DAB2IP: variants seen among roughly 807,000 people sequenced by gnomAD.
DAB2IP encodes the protein disabled homolog 2-interacting protein.
Under a neutral mutation model 107.2 loss-of-function variants are expected in DAB2IP, and 28 were observed. The ratio of observed to expected loss-of-function variants is 0.26; its 90% CI spans 0.19 to 0.36. The LOEUF is 0.36. Ranked by LOEUF, DAB2IP falls within the 10% of genes least tolerant of loss-of-function variation. The pLI is 1.00. For missense variants in DAB2IP, 1,400 were observed against 1,644.7 expected (o/e 0.85, Z 2.57); for synonymous variants, 755 against 706.4 (o/e 1.07, Z -1.09).
rs190511457 is a variant in DAB2IP, at chr9:121,780,141, C to T, written c.3315-1323C>T. Among the ~76,000 whole-genome samples, 18 of 152,332 alleles carry T rather than the reference C, an allele frequency of 1.2e-4. No individual in the cohort carries two copies. In the East Asian group the frequency reaches 3.1e-3, roughly 26 times the overall value. Reference sequence around the variant, plus strand: ...TCTCAAGTGATCCTCCCTCCCTGGCCTCCCAAAGTGCTGAGATTATAGGCG... The same window carrying T: ...TCTCAAGTGATCCTCCCTCCCTGGCTTCCCAAAGTGCTGAGATTATAGGCG... On this transcript the variant is annotated intron_variant, in intron 14 of 15. Coordinates refer to ENST00000408936, the Ensembl canonical transcript of DAB2IP.
rs1201629219 is a variant in DAB2IP at position 121,776,874 on chromosome 9, T to G, written c.3314+483T>G. On this transcript the variant is annotated intron_variant, in intron 14 of 15. Transcript: ENST00000408936. The surrounding 1 kb of genome is among the most constrained non-coding windows in gnomAD (Gnocchi z 5.4). Reference sequence around the variant, plus strand: ...CGTATCAGGGTACCAGTTACTGAGCTGGGAACTGTTAAGAGGAGTGGTTTG... The same window carrying G: ...CGTATCAGGGTACCAGTTACTGAGCGGGGAACTGTTAAGAGGAGTGGTTTG... Among the ~76,000 whole-genome samples, 2 of 152,038 alleles carry G rather than the reference T, an allele frequency of 1.3e-5. No individual in the cohort carries two copies. Among genetic ancestry groups the G allele is most frequent in the East Asian group, 3.9e-4 (2 of 5,168 alleles).
chr9:121,669,347 C>T (rs553401824), intron 1 of DAB2IP, among the ~76,000 whole-genome samples: 25 of 152,270 alleles, frequency 1.6e-4, no homozygotes, highest in South Asian at 1.5e-3. Flanking sequence ...AACTATAGGA[C>T]GGATCCTCCA....
At chr9:121,749,081 AG>A (rs1832917903) in intron 3 of DAB2IP, among the ~76,000 whole-genome samples, 1 of 152,164 alleles carries the variant, frequency 6.6e-6, no homozygotes, top group Non-Finnish European at 1.5e-5. Context: ...TTTTTAGGAC[AG>A]GCTCTGTCTC....
At chr9:121,745,896 A>G (rs1589628592) in intron 3 of DAB2IP, among the ~76,000 whole-genome samples, 2 of 152,206 alleles carry the variant, frequency 1.3e-5, no homozygotes, top group Admixed American at 1.3e-4. Context: ...TGGAGTGACC[A>G]CTGGGGCTGG....
At chr9:121,761,006 G>A (rs776998661) in intron 6 of DAB2IP, among the ~76,000 whole-genome samples, 22 of 152,174 alleles carry the variant, frequency 1.4e-4, no homozygotes, top group Non-Finnish European at 3.1e-4. Flanking sequence ...ACAGAAGCGG[G>A]AATCGTCTGA....
intron 1 of DAB2IP, among the ~76,000 whole-genome samples, chr9:121,638,184 A>G (rs1832155294): frequency 6.6e-6 from 1 of 152,234 alleles, no homozygotes. Flanking sequence ...GATTGAAGAT[A>G]GAAAAAAATT....
intron 3 of DAB2IP, among the ~76,000 whole-genome samples, chr9:121,725,216 C>T (rs13290547): frequency 0.04 from 6,138 of 152,234 alleles, 167 homozygotes; most frequent in Middle Eastern, 0.075. Flanking sequence ...GTTGTCGTCA[C>T]GTCTTCTTAA....
chr9:121,569,120 G>T (rs111737808), intron 1 of DAB2IP, among the ~76,000 whole-genome samples: 279 of 152,346 alleles, frequency 1.8e-3, no homozygotes, highest in Non-Finnish European at 3.0e-3. Context: ...TCCAGCCAAG[G>T]TCTCCCACCC....
At position 121,775,302 on chromosome 9, in the gene DAB2IP, C is replaced by T. The variant is rs1835120535; in HGVS notation, c.3120+890C>T. On this transcript the variant is annotated intron_variant, in intron 13 of 15. Transcript: ENST00000408936. The stretch of plus-strand genomic sequence containing the variant: ...GAATGGCAGAACTCCTTCTCCCCGG[C>T]CTCAGGCGAGGCCCGTCTCCATGCT... 2.0e-5 allele frequency among the ~76,000 whole-genome samples: 3 copies of T among 152,206 alleles called. No individual in the cohort carries two copies. The South Asian group carries it at 6.2e-4, about 31-fold the overall frequency.
At chr9:121,697,792 T>A (rs1186901320) in intron 2 of DAB2IP, among the ~76,000 whole-genome samples, 2 of 151,880 alleles carry the variant, frequency 1.3e-5, no homozygotes, top group Non-Finnish European at 2.9e-5. Context: ...GCCACAGGGG[T>A]ATGTCTCCTG....
intron 8 of DAB2IP, among the ~76,000 whole-genome samples, chr9:121,765,072 G>A (rs928191575): frequency 3.9e-5 from 6 of 152,162 alleles, no homozygotes; most frequent in Admixed American, 3.3e-4. Context: ...GCTTGCCTGG[G>A]CCAAATGGGC....
At position 121,776,788 on chromosome 9, in the gene DAB2IP, A is replaced by G. The variant is rs1002890241; in HGVS notation, c.3314+397A>G. 6.6e-6 allele frequency among the ~76,000 whole-genome samples: 1 copy of G among 152,144 alleles called. No individual in the cohort carries two copies. Among genetic ancestry groups the G allele is most frequent in the African/African-American group, 2.4e-5 (1 of 41,434 alleles). On this transcript the variant is annotated intron_variant, in intron 14 of 15. Coordinates refer to ENST00000408936, the Ensembl canonical transcript of DAB2IP. The surrounding 1 kb of genome is among the most constrained non-coding windows in gnomAD (Gnocchi z 5.4). ...GGAATGAGTCTCAGTTACGTATAGT[A>G]GATGAAGGTGGAAGACACAGCGTAG...
At chr9:121,604,332 A>G (rs1830795753) in intron 1 of DAB2IP, among the ~76,000 whole-genome samples, 1 of 152,152 alleles carries the variant, frequency 6.6e-6, no homozygotes, top group Non-Finnish European at 1.5e-5. Flanking sequence ...GAGGGGGTCC[A>G]GCTGCCTGTT....
In DAB2IP at chr9:121,669,412, A is replaced by G. The variant is rs557422672; in HGVS notation, c.125-9266A>G. On this transcript the variant is annotated intron_variant, in intron 1 of 15. Transcript: ENST00000408936. ...CCAAGAGTACACCTCTAGTTGAATA[A>G]GTTGCATTTATTACTCATTGCAGTG... 1.8e-4 allele frequency among the ~76,000 whole-genome samples: 28 copies of G among 152,200 alleles called. No homozygotes were observed. In the South Asian group the frequency reaches 5.6e-3, roughly 30 times the overall value.
Position 121,652,758 on chromosome 9 carries a change from A to T in DAB2IP, c.124+859A>T, listed in dbSNP as rs539587287. Among the ~76,000 whole-genome samples, 42 of 152,182 alleles carry T rather than the reference A, an allele frequency of 2.8e-4. 1 individual carries two copies. Among genetic ancestry groups the T allele is most frequent in the Admixed American group, 3.9e-4 (6 of 15,280 alleles). On this transcript the variant is annotated intron_variant, in intron 1 of 15. Coordinates refer to ENST00000408936, the Ensembl canonical transcript of DAB2IP. Reference sequence around the variant, plus strand: ...GCCGGGCCCTGTGCCAACAAATGCCATGCAGGGAATCTGGTAGACCAAGAG... The same window carrying T: ...GCCGGGCCCTGTGCCAACAAATGCCTTGCAGGGAATCTGGTAGACCAAGAG...
chr9:121,647,810 T>TAC (rs1284896167), upstream of DAB2IP, among the ~76,000 whole-genome samples: 1 of 149,636 alleles, frequency 6.7e-6, no homozygotes, highest in African/African-American at 2.4e-5. Flanking sequence ...TACCCATATA[T>TAC]ACACATATAT....
Position 121,593,461 on chromosome 9 carries a change from G to A in DAB2IP, c.40+26233G>A, listed in dbSNP as rs190400425. Among the ~76,000 whole-genome samples, 513 of 151,858 alleles carry A rather than the reference G, an allele frequency of 3.4e-3. 4 individuals carry two copies. Among genetic ancestry groups the A allele is most frequent in the African/African-American group, 0.012 (490 of 41,406 alleles). ...TGTCTTTTCAATTTTTTGTAGAGAT[G>A]GGGTCTTGCCATGTTGCCCAGGCTG... On this transcript the variant is annotated intron_variant, in intron 1 of 16. Transcript: ENST00000259371.
intron 1 of DAB2IP, among the ~76,000 whole-genome samples, chr9:121,572,395 G>GATGAATGAATGA (rs141995347): frequency 1.1e-4 from 17 of 151,578 alleles, no homozygotes; most frequent in African/African-American, 3.6e-4. Context: ...ATACTCAGTG[G>GATGAATGAATGA]ATGAATGAAT....
intron 1 of DAB2IP, among the ~76,000 whole-genome samples, chr9:121,582,198 C>T (rs539689605): frequency 2.0e-5 from 3 of 152,238 alleles, no homozygotes; most frequent in East Asian, 1.9e-4. Context: ...CCATTTTCAG[C>T]GGGCCCAGAA....
Sources: gnomAD v4.1 joint callset for allele counts (sites outside exome capture counted in the v4.1 genomes callset) on GRCh38, gnomAD v4.1.1 for gene constraint, Gnocchi (gnomAD v3.1) non-coding constraint, MANE v1.5 for transcripts, NCBI Gene and HGNC (gene_info 2026-07-23, HGNC 2026-07-21) for gene names.